The following NCKAP1L variants were observed in gnomAD, a reference collection of about 807,000 sequenced individuals.
The protein encoded by NCKAP1L is nck-associated protein 1-like.
Under a neutral mutation model 139.2 loss-of-function variants are expected in NCKAP1L, and 53 were observed. The observed-to-expected ratio is 0.38, with a 90% confidence interval of 0.31 to 0.48. NCKAP1L has a LOEUF of 0.48. Among genes scored for constraint, NCKAP1L ranks in the 20% least tolerant of loss-of-function variants. The probability of loss-of-function intolerance (pLI) is 0.98; values close to 1 mark genes in which losing one functional copy is unlikely to be tolerated. For missense variants in NCKAP1L, 1,151 were observed against 1,381.9 expected, an observed-to-expected ratio of 0.83 and a Z score of 2.65; for synonymous variants, 468 against 499.7, an observed-to-expected ratio of 0.94 and a Z score of 0.85.
chr12:54,542,884 G>T lies in NCKAP1L; in HGVS notation c.*199G>T, dbSNP rs1957170846. 9.8e-6 allele frequency: 5 copies of T among 509,776 alleles called. No individual in the cohort carries two copies. In the South Asian group the frequency reaches 1.6e-4, roughly 16 times the overall value. The allele number at this position is 509,776 out of a possible 1,614,324, so 31.6% of individuals were successfully genotyped here. A position where few individuals can be genotyped will look rare whatever the true frequency, so the allele number is the denominator to read the frequency against. The stretch of plus-strand genomic sequence containing the variant: ...CGTAGAGCAGTGAGGCAGGCTGGGA[G>T]CATGGAGGACAGCTTATGGAAAAAG... On this transcript the variant is annotated 3_prime_UTR_variant, in exon 31 of 31. Coordinates refer to ENST00000293373, the MANE Select transcript of NCKAP1L (RefSeq NM_005337.5).
intron 30 of NCKAP1L, among the ~76,000 whole-genome samples, chr12:54,540,100 T>G (rs558824433): frequency 1.3e-5 from 2 of 152,202 alleles, no homozygotes; most frequent in Non-Finnish European, 2.9e-5. Flanking sequence ...TGGGCTTCCA[T>G]AAGACTACAA....
intron 9 of NCKAP1L, among the ~76,000 whole-genome samples, chr12:54,515,250 T>C (rs1447926910): frequency 6.6e-6 from 1 of 152,222 alleles, no homozygotes; most frequent in African/African-American, 2.4e-5. Flanking sequence ...ACCAAACTTC[T>C]TTGATTTTGT....
chr12:54,507,172 G>T (rs960289386), intron 3 of NCKAP1L, among the ~76,000 whole-genome samples: 2 of 151,862 alleles, frequency 1.3e-5, no homozygotes, highest in African/African-American at 4.8e-5. Flanking sequence ...AATATTATAA[G>T]AAAAATAATA....
rs73310388 is a variant in NCKAP1L at position 54,533,098 on chromosome 12, G to A, written c.2862+848G>A. On this transcript the variant is annotated intron_variant, in intron 26 of 30. Coordinates refer to ENST00000293373, the MANE Select transcript of NCKAP1L (RefSeq NM_005337.5). Reference sequence around the variant, plus strand: ...CTGCCTAAAATCATGAGGGGCAAGTGACTGTGGGGGCAGTGAGGGGGCAGT... The same window carrying A: ...CTGCCTAAAATCATGAGGGGCAAGTAACTGTGGGGGCAGTGAGGGGGCAGT... 4.9e-3 allele frequency among the ~76,000 whole-genome samples: 743 copies of A among 152,338 alleles called. 5 individuals carry two copies. The highest frequency in any genetic ancestry group is 0.017 in the African/African-American group (719 of 41,570).
chr12:54,517,079 T>A (rs987108196), intron 11 of NCKAP1L, 87 bp downstream of exon 11: 15 of 1,123,052 alleles, frequency 1.3e-5, no homozygotes, highest in Non-Finnish European at 1.9e-5. Context: ...TTTGCCTTTC[T>A]GAGTCTTTTG....
At position 54,545,089 on chromosome 12, in the gene NCKAP1L, A is replaced by G. The variant is rs1011149407; in HGVS notation, c.*2404A>G. 2.0e-5 allele frequency: 3 copies of G among 152,108 alleles called. No homozygotes were observed. The highest frequency in any genetic ancestry group is 7.2e-5 in the African/African-American group (3 of 41,410). The allele number at this position is 152,108 out of a possible 1,614,324, so 9.4% of individuals were successfully genotyped here. A position where few individuals can be genotyped will look rare whatever the true frequency, so the allele number is the denominator to read the frequency against. Reference sequence around the variant, plus strand: ...GCTCTTTTATAGCAATTTTATAGCAATTTTCTCCTCCCACAACCCCCTTCC... The same window carrying G: ...GCTCTTTTATAGCAATTTTATAGCAGTTTTCTCCTCCCACAACCCCCTTCC... On this transcript the variant is annotated 3_prime_UTR_variant, in exon 31 of 31. Coordinates refer to ENST00000293373, the MANE Select transcript of NCKAP1L (RefSeq NM_005337.5).
intron 4 of NCKAP1L, 89 bp downstream of exon 4, chr12:54,507,998 G>A: frequency 8.6e-7 from 1 of 1,167,492 alleles, no homozygotes; most frequent in South Asian, 1.2e-5. Context: ...ACAGGATGGG[G>A]TGGGAAGGGA....
intron 21 of NCKAP1L, among the ~76,000 whole-genome samples, chr12:54,527,298 C>T (rs529206637): frequency 6.6e-6 from 1 of 152,198 alleles, no homozygotes; most frequent in East Asian, 1.9e-4. Context: ...CACTGGGTGG[C>T]GCTCTTAACC....
At chr12:54,510,293 CT>C in intron 7 of NCKAP1L, 1 of 482,314 alleles carries the variant, frequency 2.1e-6, no homozygotes, top group Middle Eastern at 6.1e-4. Flanking sequence ...CCTATTAAGC[CT>C]AGCAGCAACT....
chr12:54,516,209 C>A, intron 9 of NCKAP1L, 30 bp from the exon 10 acceptor site: 1 of 1,612,984 alleles, frequency 6.2e-7, no homozygotes, highest in South Asian at 1.1e-5. Context: ...GTAGCATGGT[C>A]AACCCCATTG....
At position 54,543,669 on chromosome 12, in the gene NCKAP1L, G is replaced by A. The variant is rs935003213; in HGVS notation, c.*984G>A. 1 of 152,162 alleles carries A rather than the reference G, an allele frequency of 6.6e-6. No individual in the cohort carries two copies. Among genetic ancestry groups the A allele is most frequent in the Non-Finnish European group, 1.5e-5 (1 of 68,046 alleles). 9.4% of individuals were successfully genotyped at this position (152,162 alleles called of 1,614,324 possible). A position where few individuals can be genotyped will look rare whatever the true frequency, so the allele number is the denominator to read the frequency against. ...GCCCTGAGAGTGGGTATCCTTGAGG[G>A]AGTACAAGCTGTTTCAACTTAGCCC... On this transcript the variant is annotated 3_prime_UTR_variant, in exon 31 of 31. Transcript: ENST00000293373.
chr12:54,539,078 A>C, intron 30 of NCKAP1L, 105 bp downstream of exon 30: 2 of 922,232 alleles, frequency 2.2e-6, no homozygotes, highest in Non-Finnish European at 3.4e-6. Flanking sequence ...ACCCAAAAGC[A>C]TTAACTAAGG....
chr12:54,508,288 A>C, intron 4 of NCKAP1L, 101 bp from the exon 5 acceptor site: 1 of 1,168,828 alleles, frequency 8.6e-7, no homozygotes, highest in Non-Finnish European at 1.2e-6. Flanking sequence ...AAATAGATTC[A>C]CTCGGAATAT....
intron 2 of NCKAP1L, among the ~76,000 whole-genome samples, chr12:54,499,685 C>T (rs1016734592): frequency 5.9e-5 from 9 of 152,108 alleles, no homozygotes; most frequent in African/African-American, 1.4e-4. Flanking sequence ...TAAGCTGGAG[C>T]GAATCATCAC....
intron 3 of NCKAP1L, among the ~76,000 whole-genome samples, chr12:54,503,055 T>C (rs1362926892): frequency 2.0e-5 from 3 of 150,946 alleles, no homozygotes; most frequent in Admixed American, 6.6e-5. Flanking sequence ...ATACAGCCCA[T>C]ATTCACATTT....
intron 26 of NCKAP1L, 23 bp from the exon 27 acceptor site, chr12:54,535,081 G>C: frequency 6.2e-7 from 1 of 1,603,206 alleles, no homozygotes; most frequent in Non-Finnish European, 8.5e-7. Flanking sequence ...ATCCTCTCTA[G>C]AATGTTATTT....
At position 54,538,934 on chromosome 12, in the gene NCKAP1L, A is replaced by C; in HGVS notation, c.3234A>C (p.Lys1078Asn). 1 of 1,614,094 alleles carries C rather than the reference A, an allele frequency of 6.2e-7. No homozygotes were observed. The highest frequency in any genetic ancestry group is 8.5e-7 in the Non-Finnish European group (1 of 1,179,944). ...LQLGQETDKLKTRNRESISLL... is the reference protein window; with the variant it reads ...LQLGQETDKLNTRNRESISLL... ...TGGGCCAGGAGACTGACAAGCTTAA[A>C]ACCAGAAATCGAGAATCCATTTCTC... Residue 1078 changes from lysine (K) to asparagine (N), a missense_variant, in exon 30 of 31, where the codon AAA (lysine) becomes AAC (asparagine). Transcript: ENST00000293373.
At chr12:54,499,098 G>C (rs1956775239) in intron 1 of NCKAP1L, among the ~76,000 whole-genome samples, 1 of 151,864 alleles carries the variant, frequency 6.6e-6, no homozygotes, top group South Asian at 2.1e-4. Flanking sequence ...GCTAATTTTT[G>C]TATTTTTAGT....
chr12:54,543,688 T>G lies in NCKAP1L; in HGVS notation c.*1003T>G, dbSNP rs188088152. ...TTGAGGGAGTACAAGCTGTTTCAAC[T>G]TAGCCCTTTTCTGCGCTAATTAGAA... On this transcript the variant is annotated 3_prime_UTR_variant, in exon 31 of 31. Transcript: ENST00000293373. The G allele has an allele frequency of 2.0e-4, 31 of 152,336 alleles. No homozygotes were observed. Among genetic ancestry groups the G allele is most frequent in the African/African-American group, 6.3e-4 (26 of 41,560 alleles). The allele number at this position is 152,336 out of a possible 1,614,324, so 9.4% of individuals were successfully genotyped here.
Sources: gnomAD v4.1 joint callset for allele counts (sites outside exome capture counted in the v4.1 genomes callset) on GRCh38, gnomAD v4.1.1 for gene constraint, MANE v1.5 for transcripts, NCBI Gene and HGNC (gene_info 2026-07-23, HGNC 2026-07-21) for gene names.